The following PDE4D variants were observed in gnomAD, a reference collection of about 807,000 sequenced individuals.
PDE4D encodes 3',5'-cyclic-AMP phosphodiesterase 4D.
PDE4D carries 24 observed loss-of-function variants against 87.4 expected under a neutral mutation model. The observed-to-expected ratio is 0.27, with a 90% CI of 0.20 to 0.39. The LOEUF is 0.39. Ranked by LOEUF, PDE4D falls within the 10% of genes least tolerant of loss-of-function variation. The pLI is 1.00. For missense variants in PDE4D, 714 were observed against 1,041.0 expected, an observed-to-expected ratio of 0.69 and a Z score of 4.32; for synonymous variants, 384 against 383.2, an observed-to-expected ratio of 1.00 and a Z score of -0.02.
At chr5:59,883,977 G>T (rs998724453) in intron 1 of PDE4D, among the ~76,000 whole-genome samples, 1 of 151,924 alleles carries the variant, frequency 6.6e-6, no homozygotes, top group African/African-American at 2.4e-5. Flanking sequence ...TATATTAAAC[G>T]AAATAAGTTG....
At position 59,181,573 on chromosome 5, in the gene PDE4D, A is replaced by ATATATATATATATATAT. The variant is rs1162609708; in HGVS notation, c.759-930_759-929insATATATATATATATATA. ...ATATATATATATATATATATATATT[A>ATATATATATATATATAT]GGTATATAATAATTATATATATATT... On this transcript the variant is annotated intron_variant, in intron 4 of 14. Transcript: ENST00000340635. Among the ~76,000 whole-genome samples, 45 of 85,160 alleles carry ATATATATATATATATAT rather than the reference A, an allele frequency of 5.3e-4. 2 individuals carry two copies. Among genetic ancestry groups the ATATATATATATATATAT allele is most frequent in the African/African-American group, 2.6e-3 (42 of 16,166 alleles). The allele number at this position is 85,160 out of a possible 152,430, so 55.9% of individuals were successfully genotyped here. A position where few individuals can be genotyped will look rare whatever the true frequency, so the allele number is the denominator to read the frequency against.
intron 1 of PDE4D, among the ~76,000 whole-genome samples, chr5:60,207,664 T>C (rs1742707423): frequency 6.6e-6 from 1 of 152,260 alleles, no homozygotes; most frequent in African/African-American, 2.4e-5. Context: ...TGAGATATAG[T>C]AAACATTCTC....
At chr5:60,487,718 G>A (rs1310665777) in intron 1 of PDE4D, 1 of 152,176 alleles carries the variant, frequency 6.6e-6, no homozygotes, top group Non-Finnish European at 1.5e-5. Context: ...GCATCAAACA[G>A]CCTCCTTCAA....
chr5:59,328,017 A>G (rs1776026265), intron 1 of PDE4D, among the ~76,000 whole-genome samples: 1 of 152,230 alleles, frequency 6.6e-6, no homozygotes, highest in Admixed American at 6.5e-5. Context: ...GAAGTCTCTT[A>G]TGAGCTAAAA....
rs75217533 is a variant in PDE4D, at chr5:59,207,649, C to G, written c.647+8128G>C. On this transcript the variant is annotated intron_variant, in intron 2 of 14. Transcript: ENST00000340635. ...TTCTTCTGGCAGGAATTCAGTGTCT[C>G]ATAGGATTGTGGAATAATTGCTCTT... 7.1e-3 allele frequency among the ~76,000 whole-genome samples: 1,075 copies of G among 152,130 alleles called. 8 individuals carry two copies. Among genetic ancestry groups the G allele is most frequent in the Middle Eastern group, 0.017 (5 of 294 alleles).
intron 1 of PDE4D, among the ~76,000 whole-genome samples, chr5:59,338,526 G>A (rs968309883): frequency 6.6e-6 from 1 of 152,086 alleles, no homozygotes; most frequent in African/African-American, 2.4e-5. Context: ...AAGAGTGTTC[G>A]GCTAGGCAGT....
intron 3 of PDE4D, among the ~76,000 whole-genome samples, chr5:59,900,721 C>A (rs962161608): frequency 6.6e-6 from 1 of 152,084 alleles, no homozygotes; most frequent in African/African-American, 2.4e-5. Context: ...AGATGTTTAA[C>A]TTTTTGTGGT....
intron 2 of PDE4D, among the ~76,000 whole-genome samples, chr5:60,005,874 T>C (rs1199060129): frequency 6.6e-6 from 1 of 151,818 alleles, no homozygotes; most frequent in East Asian, 1.9e-4. Context: ...AGGAAATTTA[T>C]AGTGTAAAAG....
chr5:59,069,028 C>T lies in PDE4D; in HGVS notation c.809-30057G>A, dbSNP rs1277507530. Among the ~76,000 whole-genome samples the T allele has an allele frequency of 1.3e-5, 2 of 152,102 alleles. 1 individual carries two copies. The highest frequency in any genetic ancestry group is 4.1e-4 in the South Asian group (2 of 4,828). On this transcript the variant is annotated intron_variant, in intron 5 of 14. Transcript: ENST00000340635. ...GTTAGGGTATTCCAGAGAGAAGGAA[C>T]AAAATGTGCAAATTCAAGTAGTCAG...
chr5:59,286,024 T>A (rs1232758433), intron 1 of PDE4D, among the ~76,000 whole-genome samples: 1 of 152,202 alleles, frequency 6.6e-6, no homozygotes, highest in African/African-American at 2.4e-5. Context: ...CTTTTACCTC[T>A]CTTTTTGGTA....
intron 1 of PDE4D, among the ~76,000 whole-genome samples, chr5:59,855,017 T>A (rs1280322564): frequency 1.3e-5 from 2 of 152,078 alleles, no homozygotes; most frequent in African/African-American, 4.8e-5. Flanking sequence ...ATTATAGAGT[T>A]CAGAGCCTGG....
intron 1 of PDE4D, among the ~76,000 whole-genome samples, chr5:59,357,140 T>C (rs896059734): frequency 2.0e-5 from 3 of 152,082 alleles, no homozygotes; most frequent in South Asian, 2.1e-4. Flanking sequence ...TGTTTTTAAA[T>C]ATAGCCCTGA....
At chr5:59,701,288 T>C (rs1752518537) in intron 1 of PDE4D, among the ~76,000 whole-genome samples, 1 of 152,218 alleles carries the variant, frequency 6.6e-6, no homozygotes, top group Admixed American at 6.5e-5. Flanking sequence ...TAAAATCTTC[T>C]GCATAGTGCT....
At chr5:59,076,250 G>C (rs2153420966) in intron 5 of PDE4D, among the ~76,000 whole-genome samples, 1 of 152,202 alleles carries the variant, frequency 6.6e-6, no homozygotes, top group East Asian at 1.9e-4. Context: ...CATGTAAGAG[G>C]AGCTCCTTGG....
intron 1 of PDE4D, among the ~76,000 whole-genome samples, chr5:59,816,500 T>C (rs16890233): frequency 0.067 from 10,135 of 152,258 alleles, 1,184 homozygotes; most frequent in African/African-American, 0.23. Context: ...ATCCAGAAGA[T>C]AAAATAAGGC....
At chr5:59,003,558 A>G (rs1354502122) in intron 6 of PDE4D, among the ~76,000 whole-genome samples, 2 of 152,156 alleles carry the variant, frequency 1.3e-5, no homozygotes, top group African/African-American at 2.4e-5. Context: ...TTAAGCTCCT[A>G]CTCTATGTCA....
intron 1 of PDE4D, among the ~76,000 whole-genome samples, chr5:59,356,009 A>G (rs550703428): frequency 1.3e-5 from 2 of 152,352 alleles, no homozygotes; most frequent in Non-Finnish European, 2.9e-5. Flanking sequence ...GATTAAATAG[A>G]TACCTTTCAG....
At chr5:59,201,136 A>T (rs986360083) in intron 2 of PDE4D, among the ~76,000 whole-genome samples, 2 of 152,116 alleles carry the variant, frequency 1.3e-5, no homozygotes, top group Non-Finnish European at 2.9e-5. Context: ...TGGGTTTTTC[A>T]GACGAATTTC....
chr5:59,208,221 A>C (rs915817180), intron 2 of PDE4D, among the ~76,000 whole-genome samples: 1 of 152,148 alleles, frequency 6.6e-6, no homozygotes, highest in South Asian at 2.1e-4. Flanking sequence ...AGTGAGTATA[A>C]AGGAAATCTA....
Sources: gnomAD v4.1 joint callset for allele counts (sites outside exome capture counted in the v4.1 genomes callset) on GRCh38, gnomAD v4.1.1 for gene constraint, MANE v1.5 for transcripts, NCBI Gene and HGNC (gene_info 2026-07-23, HGNC 2026-07-21) for gene names.